CDH17: variants seen among roughly 807,000 people sequenced by gnomAD.
The protein encoded by CDH17 is cadherin 17, also known as cadherin-17.
In CDH17, 67 loss-of-function variants were observed where a neutral mutation model predicts 86.3. That is an observed-to-expected ratio of 0.78 (90% CI 0.64 to 0.95). The LOEUF (loss-of-function observed/expected upper bound fraction) is 0.95, where lower values mean the gene tolerates loss of function less well. CDH17 is among the 40% of genes least tolerant of loss of function. The pLI, the probability that CDH17 is intolerant of heterozygous loss-of-function variation, is 0.00. For synonymous variants in CDH17, 367 were observed against 366.4 expected (o/e 1.00, Z -0.02); for missense variants, 993 against 1,017.6 (o/e 0.98, Z 0.33).
intron 12 of CDH17, among the ~76,000 whole-genome samples, chr8:94,158,555 C>T (rs1253394775): frequency 2.0e-5 from 3 of 152,206 alleles, no homozygotes; most frequent in Non-Finnish European, 4.4e-5. Context: ...GCCCCCGTCA[C>T]CTGCAAAGGA....
upstream of CDH17, among the ~76,000 whole-genome samples, chr8:94,209,527 G>C (rs190092847): frequency 2.4e-3 from 365 of 152,294 alleles, 3 homozygotes; most frequent in Admixed American, 8.2e-3. Context: ...GATTTCATGA[G>C]AAGGTTTCAT....
chr8:94,152,948 G>A (rs367589178), intron 12 of CDH17, among the ~76,000 whole-genome samples: 3 of 152,172 alleles, frequency 2.0e-5, no homozygotes, highest in Non-Finnish European at 4.4e-5. Flanking sequence ...GATTATAGGC[G>A]TGAGCCACTA....
At chr8:94,162,641 C>G (rs1813077951) in intron 10 of CDH17, among the ~76,000 whole-genome samples, 1 of 152,202 alleles carries the variant, frequency 6.6e-6, no homozygotes, top group Non-Finnish European at 1.5e-5. Context: ...AGGGCCTGCT[C>G]TCTTCTATCT....
chr8:94,170,583 C>A (rs1285084758), intron 8 of CDH17, 36 bp from the exon 9 acceptor site: 1 of 1,599,444 alleles, frequency 6.3e-7, no homozygotes, highest in Non-Finnish European at 8.5e-7. Flanking sequence ...GCAAGACTCA[C>A]CCACCACCCT....
intron 13 of CDH17, among the ~76,000 whole-genome samples, chr8:94,151,482 G>A (rs1176183691): frequency 1.3e-5 from 2 of 152,156 alleles, no homozygotes; most frequent in African/African-American, 2.4e-5. Context: ...TCTCTGTCTA[G>A]AACTCCAATA....
intron 9 of CDH17, 128 bp downstream of exon 9, chr8:94,170,269 C>T: frequency 1.1e-6 from 1 of 925,744 alleles, no homozygotes. Flanking sequence ...TCCCAAGGTA[C>T]AGTCAACCTC....
chr8:94,171,375 C>T (rs1366784022), intron 7 of CDH17, among the ~76,000 whole-genome samples: 5 of 152,152 alleles, frequency 3.3e-5, no homozygotes, highest in Admixed American at 3.3e-4. Flanking sequence ...GCATCTAATA[C>T]TCACCAATGA....
At chr8:94,144,664 G>GA (rs199943393) in intron 15 of CDH17, among the ~76,000 whole-genome samples, 2 of 151,756 alleles carry the variant, frequency 1.3e-5, no homozygotes. Flanking sequence ...AATAAAACAT[G>GA]AAAAAAATAG....
At chr8:94,190,998 G>A (rs12056835) in intron 2 of CDH17, among the ~76,000 whole-genome samples, 84,054 of 152,036 alleles carry the variant, frequency 0.55, 24,353 homozygotes, top group African/African-American at 0.72. Flanking sequence ...CCACTGCCAA[G>A]CCCTCTCCTT....
chr8:94,142,667 G>A (rs1812662757), intron 15 of CDH17, among the ~76,000 whole-genome samples: 1 of 150,526 alleles, frequency 6.6e-6, no homozygotes, highest in Non-Finnish European at 1.5e-5. Flanking sequence ...CTATGTTTAT[G>A]GAATATTCTA....
chr8:94,162,207 A>G (rs1236243521), intron 10 of CDH17, 45 bp from the exon 11 acceptor site: 1 of 1,199,002 alleles, frequency 8.3e-7, no homozygotes, highest in Non-Finnish European at 1.2e-6. Context: ...ACTGAAAACC[A>G]TGCATTAATA....
At chr8:94,160,220 G>A in intron 11 of CDH17, 58 bp from the exon 12 acceptor site, 3 of 1,312,748 alleles carry the variant, frequency 2.3e-6, no homozygotes, top group Non-Finnish European at 2.1e-6. Context: ...AAAGCCAAAG[G>A]ACAAACTTAT....
chr8:94,181,702 C>A (rs913965345), intron 3 of CDH17, among the ~76,000 whole-genome samples: 1 of 149,826 alleles, frequency 6.7e-6, no homozygotes, highest in African/African-American at 2.5e-5. Context: ...TCCCAAAGAA[C>A]CTAATCTTCT....
chr8:94,170,282 T>C (rs1479049173), intron 9 of CDH17, 115 bp downstream of exon 9: 3 of 1,061,274 alleles, frequency 2.8e-6, no homozygotes, highest in African/African-American at 1.6e-5. Context: ...TCAACCTCTA[T>C]GCTGTGGAAG....
At chr8:94,164,978 C>A (rs527546235) in intron 10 of CDH17, among the ~76,000 whole-genome samples, 2 of 152,344 alleles carry the variant, frequency 1.3e-5, no homozygotes, top group East Asian at 3.9e-4. Context: ...TCTCCTGATA[C>A]TGTCAAACGG....
intron 15 of CDH17, 111 bp from the exon 16 acceptor site, chr8:94,131,103 A>G (rs1363152255): frequency 4.5e-6 from 3 of 673,556 alleles, no homozygotes; most frequent in Non-Finnish European, 8.0e-6. Context: ...GCTAGATATG[A>G]GTTAAACTGC....
intron 7 of CDH17, 37 bp downstream of exon 7, chr8:94,173,760 T>C: frequency 6.7e-7 from 1 of 1,495,584 alleles, no homozygotes; most frequent in Non-Finnish European, 9.3e-7. Flanking sequence ...GCCATTTATC[T>C]AGTTGGCTCT....
chr8:94,183,410 G>A (rs1171893382), intron 3 of CDH17, among the ~76,000 whole-genome samples: 1 of 152,092 alleles, frequency 6.6e-6, no homozygotes, highest in Non-Finnish European at 1.5e-5. Flanking sequence ...ATCATAGTGG[G>A]AGGCCAGAAA....
intron 1 of CDH17, among the ~76,000 whole-genome samples, chr8:94,213,847 C>T (rs1463949051): frequency 6.6e-6 from 1 of 152,158 alleles, no homozygotes; most frequent in African/African-American, 2.4e-5. Flanking sequence ...GGCTTCCTTG[C>T]CAATACTCTG....
Sources: allele counts gnomAD v4.1 joint callset (sites outside exome capture counted in the v4.1 genomes callset), GRCh38; gene constraint gnomAD v4.1.1; transcripts MANE v1.5; gene names NCBI Gene and HGNC (gene_info 2026-07-23, HGNC 2026-07-21).